The following POLR1C variants were observed in gnomAD, a reference collection of about 807,000 sequenced individuals.
POLR1C encodes the protein RNA polymerase I and III subunit C.
Under a neutral mutation model 38.3 loss-of-function variants are expected in POLR1C, and 42 were observed. The observed-to-expected ratio is 1.10, with a 90% CI of 0.86 to 1.42. The LOEUF (loss-of-function observed/expected upper bound fraction) is 1.42, where lower values mean the gene tolerates loss of function less well. POLR1C is among the 40% of genes most tolerant of loss of function. POLR1C has a pLI of 0.00. For missense variants in POLR1C, 507 were observed against 450.5 expected, an observed-to-expected ratio of 1.13 and a Z score of -1.14; for synonymous variants, 163 against 163.9, an observed-to-expected ratio of 0.99 and a Z score of 0.04.
In POLR1C at chr6:43,517,358, A is replaced by T. The variant is rs1283926035; in HGVS notation, c.122A>T (p.Asp41Val). Reference protein sequence around the residue: ...GNYSGYDDAWDQDRFEKNFRV... With the variant: ...GNYSGYDDAWVQDRFEKNFRV... ...TATTCCGGTTATGATGATGCCTGGG[A>T]CCAGGACCGCTTCGAGAAGGTAAGT... The change falls in exon 2 of 9, where the codon GAC (aspartate) becomes GTC (valine). Residue 41 changes from aspartate to valine, a missense_variant. Asp to Val is a radical substitution (Grantham distance 152, BLOSUM62 -3). Transcript: ENST00000642195. 6.2e-7 allele frequency: 1 copy of T among 1,613,744 alleles called. No homozygotes were observed. Among genetic ancestry groups the T allele is most frequent in the Non-Finnish European group, 8.5e-7 (1 of 1,179,998 alleles).
At chr6:43,546,518 A>C in intron 9 of POLR1C, 1 of 1,540,444 alleles carries the variant, frequency 6.5e-7, no homozygotes, top group Non-Finnish European at 8.7e-7. Flanking sequence ...AAACTTTTGA[A>C]ATTTTTAAGG....
intron 9 of POLR1C, among the ~76,000 whole-genome samples, chr6:43,546,163 T>C (rs1794955012): frequency 6.6e-6 from 1 of 152,192 alleles, no homozygotes; most frequent in Non-Finnish European, 1.5e-5. Context: ...TCAGTATTGA[T>C]AAATTCAGAT....
downstream of POLR1C, chr6:43,534,031 G>C (rs757791620): frequency 1.3e-6 from 2 of 1,563,388 alleles, no homozygotes; most frequent in Admixed American, 1.7e-5. Context: ...GAATGCTATT[G>C]AGCTTTTCCA....
chr6:43,547,648 T>A, intron 9 of POLR1C: 1 of 1,614,008 alleles, frequency 6.2e-7, no homozygotes, highest in South Asian at 1.1e-5. Context: ...CAGGCCTGGG[T>A]CACAGCTCTT....
At chr6:43,522,607 C>G (rs1793260321), downstream of POLR1C, 1 of 380,700 alleles carries the variant, frequency 2.6e-6, no homozygotes, top group Non-Finnish European at 5.8e-6. Context: ...CACAAGACTC[C>G]CAACTTCTGC....
At chr6:43,522,865 G>T, downstream of POLR1C, 1 of 245,744 alleles carries the variant, frequency 4.1e-6, no homozygotes. Flanking sequence ...GCCTTTCAGT[G>T]ACCTCTAGAA....
Position 43,560,331 on chromosome 6 carries a change from A to G in POLR1C, c.*49-1069A>G, listed in dbSNP as rs1261010431. The G allele has an allele frequency of 2.5e-6, 4 of 1,572,920 alleles. No individual in the cohort carries two copies. The Admixed American group carries it at 7.8e-5, about 31-fold the overall frequency. On this transcript the variant is annotated intron_variant, in intron 10 of 10. Transcript: ENST00000607635. ...AAAGAGAAAAAAAAAAGAAAACGTC[A>G]AAGGATTTGGATTCTATATAACCCA...
rs141053093 is a variant in POLR1C, at chr6:43,558,810, C to T, written c.*49-2590C>T. On this transcript the variant is annotated intron_variant, in intron 10 of 10. Transcript: ENST00000607635. ...GAAAAGAGAATACTTTTAGTTGATA[C>T]CATCCTCCAAGTTCCTCAGGGAGAA... 1.9e-4 allele frequency: 83 copies of T among 436,364 alleles called. No homozygotes were observed. The East Asian group carries it at 3.0e-3, about 16-fold the overall frequency. The allele number at this position is 436,364 out of a possible 1,614,324, so 27.0% of individuals were successfully genotyped here. A position where few individuals can be genotyped will look rare whatever the true frequency, so the allele number is the denominator to read the frequency against.
chr6:43,525,493 C>T (rs1000501210), downstream of POLR1C: 1 of 503,012 alleles, frequency 2.0e-6, no homozygotes, highest in African/African-American at 1.9e-5. Flanking sequence ...TTTACTTCCT[C>T]TATTTTTGTG....
downstream of POLR1C, chr6:43,524,658 T>C: frequency 6.2e-7 from 1 of 1,610,068 alleles, no homozygotes; most frequent in Non-Finnish European, 8.5e-7. Context: ...GGGATAAACT[T>C]ACTGGATGTA....
At chr6:43,524,371 AT>A (rs1300075971), downstream of POLR1C, 230 of 1,385,266 alleles carry the variant, frequency 1.7e-4, 1 homozygote, top group African/African-American at 3.0e-3. Context: ...AAAAAAAAAA[AT>A]CTCACCATAA....
At chr6:43,548,847 A>G (rs1332923767) in intron 9 of POLR1C, among the ~76,000 whole-genome samples, 1 of 151,970 alleles carries the variant, frequency 6.6e-6, no homozygotes, top group Non-Finnish European at 1.5e-5. Context: ...CCCATGCCCC[A>G]AAAAGGGTTG....
intron 10 of POLR1C, chr6:43,556,184 C>T: frequency 2.1e-6 from 1 of 485,888 alleles, no homozygotes; most frequent in South Asian, 3.3e-5. Context: ...CAGCTAGATC[C>T]TGTAAGTGGC....
intron 10 of POLR1C, chr6:43,560,351 A>T: frequency 1.3e-6 from 2 of 1,538,108 alleles, no homozygotes; most frequent in Non-Finnish European, 1.7e-6. Flanking sequence ...GATTCTATAT[A>T]ACCCAGATTA....
chr6:43,521,299 G>A lies in POLR1C; in HGVS notation c.1040G>A (p.Ter347=). 6.2e-7 allele frequency: 1 copy of A among 1,612,226 alleles called. No homozygotes were observed. Among genetic ancestry groups the A allele is most frequent in the Middle Eastern group, 2.2e-4 (1 of 4,496 alleles). ...GAACTAGATGCGGTTCAGATGGACT[G>A]AGCTTGGATGCTTCTGAGGCAAGCT... The part of the protein sequence containing the change: ...LDELDAVQMD[*] The change falls in exon 9 of 9, where the codon TGA becomes TAA. Residue 347 remains the stop codon, a stop_retained_variant. Coordinates refer to ENST00000642195, the MANE Select transcript of POLR1C (RefSeq NM_203290.4).
At chr6:43,549,544 C>T in intron 9 of POLR1C, 1 of 1,613,214 alleles carries the variant, frequency 6.2e-7, no homozygotes, top group Non-Finnish European at 8.5e-7. Flanking sequence ...ACAAGCATGC[C>T]TCCTCACATT....
At chr6:43,536,732 C>T (rs1343439836) in intron 9 of POLR1C, among the ~76,000 whole-genome samples, 1 of 126,892 alleles carries the variant, frequency 7.9e-6, no homozygotes, top group East Asian at 2.3e-4. Context: ...TGCACTCCAG[C>T]CTGGACGACA....
intron 8 of POLR1C, chr6:43,528,304 G>T: frequency 8.0e-7 from 1 of 1,246,424 alleles, no homozygotes; most frequent in Non-Finnish European, 1.1e-6. Flanking sequence ...ATTAGCCAAG[G>T]ATGATTCTAG....
At chr6:43,539,606 A>G (rs895462574) in intron 9 of POLR1C, 8 of 1,383,596 alleles carry the variant, frequency 5.8e-6, no homozygotes, top group Non-Finnish European at 8.0e-6. Context: ...CCGGCCCCGG[A>G]TGCCACTGGC....
Sources: allele counts gnomAD v4.1 joint callset (sites outside exome capture counted in the v4.1 genomes callset), GRCh38; gene constraint gnomAD v4.1.1; transcripts MANE v1.5; gene names NCBI Gene and HGNC (gene_info 2026-07-23, HGNC 2026-07-21).